Variants in TASP1 observed in about 807,000 individuals in gnomAD.
TASP1 encodes the protein taspase 1.
In TASP1, 16 loss-of-function variants were observed where a neutral mutation model predicts 56.6. The ratio of observed to expected loss-of-function variants is 0.28; its 90% CI spans 0.19 to 0.43. TASP1 has a LOEUF of 0.43. Among genes scored for constraint, TASP1 ranks in the 20% least tolerant of loss-of-function variants. TASP1 has a pLI of 1.00. For missense variants in TASP1, 393 were observed against 511.6 expected, an observed-to-expected ratio of 0.77 and a Z score of 2.24; for synonymous variants, 179 against 184.2, an observed-to-expected ratio of 0.97 and a Z score of 0.23.
At chr20:13,166,554 T>C in the TASP1 span, 9 of 152,226 alleles carry the variant, frequency 5.9e-5, no homozygotes, top group African/African-American at 2.2e-4. Flanking sequence ...ATGAAACTGA[T>C]GCAGTATTAT....
chr20:13,331,023 C>T, the TASP1 span, among the ~76,000 whole-genome samples: 2 of 152,088 alleles, frequency 1.3e-5, no homozygotes, highest in Non-Finnish European at 2.9e-5. Flanking sequence ...TTTACTATAT[C>T]TGCATGATTT....
chr20:13,125,323 G>A, the TASP1 span, among the ~76,000 whole-genome samples: 1 of 152,332 alleles, frequency 6.6e-6, no homozygotes, highest in East Asian at 1.9e-4. Context: ...TCCAAAGAGT[G>A]TTACACAAAA....
intron 13 of TASP1, among the ~76,000 whole-genome samples, chr20:13,401,319 G>A (rs1224393081): frequency 1.3e-5 from 2 of 151,954 alleles, no homozygotes; most frequent in Non-Finnish European, 2.9e-5. Flanking sequence ...GAGATTACTG[G>A]GAAGAAAGGA....
chr20:13,484,279 C>T (rs1006522864), intron 10 of TASP1, among the ~76,000 whole-genome samples: 3 of 152,166 alleles, frequency 2.0e-5, no homozygotes, highest in African/African-American at 7.2e-5. Context: ...ACTGAAAATG[C>T]CATTTGACCC....
At chr20:13,498,796 C>CAA (rs34158191) in intron 10 of TASP1, among the ~76,000 whole-genome samples, 3 of 130,058 alleles carry the variant, frequency 2.3e-5, no homozygotes, top group African/African-American at 2.8e-5. Flanking sequence ...ATAAAAAAGG[C>CAA]AAAAAAAAAA....
chr20:13,531,195 C>T (rs978432534), intron 9 of TASP1, among the ~76,000 whole-genome samples: 27 of 152,034 alleles, frequency 1.8e-4, no homozygotes, highest in Admixed American at 4.6e-4. Flanking sequence ...GTAAGGTAGC[C>T]GGTTATCCCC....
chr20:13,201,785 G>A, the TASP1 span, among the ~76,000 whole-genome samples: 20,548 of 147,714 alleles, frequency 0.14, 1,624 homozygotes, highest in East Asian at 0.29. Flanking sequence ...ATGGAGTCTC[G>A]CTCTGTTGCC....
the TASP1 span, among the ~76,000 whole-genome samples, chr20:13,244,588 T>C: frequency 6.6e-6 from 1 of 152,230 alleles, no homozygotes; most frequent in African/African-American, 2.4e-5. Context: ...TTATTTAGCA[T>C]GAAGGCTTAT....
At chr20:13,497,016 C>T (rs549404416) in intron 10 of TASP1, among the ~76,000 whole-genome samples, 61 of 152,294 alleles carry the variant, frequency 4.0e-4, no homozygotes, top group African/African-American at 1.5e-3. Flanking sequence ...CAAATGACTA[C>T]ATGTGAGCTA....
intron 9 of TASP1, among the ~76,000 whole-genome samples, chr20:13,531,135 C>CTA (rs1161463022): frequency 6.6e-6 from 1 of 152,084 alleles, no homozygotes; most frequent in Non-Finnish European, 1.5e-5. Context: ...TTACTAGGGG[C>CTA]TATAATATGT....
At chr20:13,612,456 C>T (rs1194125738) in intron 4 of TASP1, among the ~76,000 whole-genome samples, 1 of 150,548 alleles carries the variant, frequency 6.6e-6, no homozygotes, top group Non-Finnish European at 1.5e-5. Flanking sequence ...CAAGACAAAA[C>T]ATGATAACCT....
chr20:13,224,915 T>G, the TASP1 span, among the ~76,000 whole-genome samples: 28 of 148,972 alleles, frequency 1.9e-4, no homozygotes, highest in Admixed American at 2.7e-4. Context: ...GCGCGATCTC[T>G]GCTCACTGCA....
intron 11 of TASP1, among the ~76,000 whole-genome samples, chr20:13,463,055 A>G (rs899030298): frequency 1.3e-5 from 2 of 152,136 alleles, no homozygotes; most frequent in African/African-American, 2.4e-5. Flanking sequence ...GAGACCCCAA[A>G]TAACCAAAAC....
chr20:13,214,544 C>CAGAGAG, the TASP1 span, among the ~76,000 whole-genome samples: 87 of 131,940 alleles, frequency 6.6e-4, no homozygotes, highest in Admixed American at 8.6e-4. Context: ...CACACACACA[C>CAGAGAG]ACACACACAC....
intron 2 of TASP1, among the ~76,000 whole-genome samples, chr20:13,626,756 T>A (rs1053426137): frequency 6.6e-6 from 1 of 152,208 alleles, no homozygotes; most frequent in Admixed American, 6.5e-5. Context: ...GTTGGCTGTC[T>A]TAGATCTCAG....
At chr20:13,411,087 TC>T (rs1170314283) in intron 13 of TASP1, among the ~76,000 whole-genome samples, 2 of 152,182 alleles carry the variant, frequency 1.3e-5, no homozygotes, top group South Asian at 2.1e-4. Flanking sequence ...GAAGAGGGCG[TC>T]CCTTCCCCAA....
chr20:13,437,979 T>G (rs371785938), intron 11 of TASP1, among the ~76,000 whole-genome samples: 1 of 151,864 alleles, frequency 6.6e-6, no homozygotes, highest in Non-Finnish European at 1.5e-5. Flanking sequence ...AAGCTACCAA[T>G]GACTTTCTTC....
chr20:13,131,692 C>G, the TASP1 span, among the ~76,000 whole-genome samples: 1 of 152,220 alleles, frequency 6.6e-6, no homozygotes, highest in African/African-American at 2.4e-5. Context: ...CACCTCTCAC[C>G]TGGATTCCTG....
chr20:13,382,739 A>G, the TASP1 span, among the ~76,000 whole-genome samples: 1 of 152,168 alleles, frequency 6.6e-6, no homozygotes, highest in South Asian at 2.1e-4. Flanking sequence ...TATAATTCAC[A>G]TTTTTTTCAC....
Sources: gnomAD v4.1 joint callset for allele counts (sites outside exome capture counted in the v4.1 genomes callset) on GRCh38, gnomAD v4.1.1 for gene constraint, MANE v1.5 for transcripts, NCBI Gene and HGNC (gene_info 2026-07-23, HGNC 2026-07-21) for gene names.